Variants in SMC6 observed in about 807,000 individuals in gnomAD.
SMC6 encodes structural maintenance of chromosomes protein 6.
Under a neutral mutation model 142.2 loss-of-function variants are expected in SMC6, and 79 were observed. That is an observed-to-expected ratio of 0.56 (90% CI 0.46 to 0.67). The LOEUF is 0.67. Ranked by LOEUF, SMC6 falls within the 30% of genes least tolerant of loss-of-function variation. The probability of loss-of-function intolerance (pLI) is 0.00; values close to 1 mark genes in which losing one functional copy is unlikely to be tolerated. For missense variants in SMC6, 1,072 were observed against 1,284.0 expected (o/e 0.83, Z 2.52); for synonymous variants, 411 against 412.4 (o/e 1.00, Z 0.04).
chr2:17,753,233 T>C (rs192937855), intron 1 of SMC6, among the ~76,000 whole-genome samples, 169 bp from the exon 2 acceptor site: 4 of 111,080 alleles, frequency 3.6e-5, no homozygotes, highest in Admixed American at 1.7e-4. Context: ...CTGCGAGATA[T>C]CATCAGACTC....
chr2:17,735,058 A>C (rs1353787921), intron 5 of SMC6, among the ~76,000 whole-genome samples: 3 of 152,094 alleles, frequency 2.0e-5, no homozygotes, highest in Non-Finnish European at 4.4e-5. Flanking sequence ...AAATACAAGA[A>C]AGCAAAATAC....
At position 17,695,139 on chromosome 2, in the gene SMC6, A is replaced by C; in HGVS notation, c.2678+13T>G. The C allele has an allele frequency of 6.2e-7, 1 of 1,612,164 alleles. No individual in the cohort carries two copies. The highest frequency in any genetic ancestry group is 1.1e-5 in the South Asian group (1 of 90,438). On this transcript the variant is annotated intron_variant, in intron 23 of 27. Transcript: ENST00000448223. ...AATAATGTGGTAAAGCAGAAAAGCTACCAGCTACTTACCTCATTATTTCCT... is the reference window on the plus strand; with the variant it reads ...AATAATGTGGTAAAGCAGAAAAGCTCCCAGCTACTTACCTCATTATTTCCT...
chr2:17,720,135 C>T (rs934747049), intron 11 of SMC6, among the ~76,000 whole-genome samples: 2 of 152,114 alleles, frequency 1.3e-5, no homozygotes, highest in Non-Finnish European at 2.9e-5. Context: ...TATACTAAAA[C>T]CCAGTGAATT....
At chr2:17,730,974 G>T in intron 7 of SMC6, 104 bp downstream of exon 7, 1 of 821,942 alleles carries the variant, frequency 1.2e-6, no homozygotes, top group Non-Finnish European at 2.1e-6. Context: ...CCTGTGGTCA[G>T]TTTACTCATA....
rs1172634059 is a variant in SMC6, at chr2:17,715,059, C to T, written c.1532G>A (p.Cys511Tyr). ...TYKPVGPLGA[C>Y]IHLRDPELAL... ...AAGTTCTGGGTCCCGAAGATGAATG[C>T]AAGCTCCTAAAAGTGAGAGAAAATT... Residue 511 changes from cysteine (C) to tyrosine (Y), a missense_variant, in exon 16 of 28, where the codon TGC becomes TAC. Transcript: ENST00000448223. 6.2e-7 allele frequency: 1 copy of T among 1,612,942 alleles called. No individual in the cohort carries two copies. The highest frequency in any genetic ancestry group is 2.2e-5 in the East Asian group (1 of 44,846).
intron 21 of SMC6, 41 bp downstream of exon 21, chr2:17,700,167 A>G (rs1668199856): frequency 7.0e-7 from 1 of 1,421,232 alleles, no homozygotes; most frequent in African/African-American, 1.4e-5. Context: ...ATAAAACTAA[A>G]ACATAAAATA....
chr2:17,707,623 T>C (rs1668614694), intron 17 of SMC6, among the ~76,000 whole-genome samples: 1 of 152,134 alleles, frequency 6.6e-6, no homozygotes, highest in African/African-American at 2.4e-5. Context: ...AATTGGTGTA[T>C]ATTTATTTTT....
chr2:17,665,345 G>A lies in SMC6; in HGVS notation c.*154C>T. 1 of 399,028 alleles carries A rather than the reference G, an allele frequency of 2.5e-6. No homozygotes were observed. The highest frequency in any genetic ancestry group is 3.7e-5 in the East Asian group (1 of 27,046). The allele number at this position is 399,028 out of a possible 1,614,324, so 24.7% of individuals were successfully genotyped here. On this transcript the variant is annotated 3_prime_UTR_variant, in exon 28 of 28. Coordinates refer to ENST00000448223, the MANE Select transcript of SMC6 (RefSeq NM_001142286.2). ...ATTGCAGGTTGTAGTTGGTTTTCCAGGCTTATTTATATGTTTGATTGTGGT... is the reference window on the plus strand; with the variant it reads ...ATTGCAGGTTGTAGTTGGTTTTCCAAGCTTATTTATATGTTTGATTGTGGT...
intron 3 of SMC6, among the ~76,000 whole-genome samples, chr2:17,745,110 C>T (rs560261412): frequency 2.6e-4 from 39 of 152,222 alleles, no homozygotes; most frequent in Non-Finnish European, 5.3e-4. Flanking sequence ...CTGAATTCTC[C>T]TTGCAAATAT....
At chr2:17,738,994 G>T (rs1168908364) in intron 4 of SMC6, among the ~76,000 whole-genome samples, 1 of 145,834 alleles carries the variant, frequency 6.9e-6, no homozygotes, top group Non-Finnish European at 1.5e-5. Flanking sequence ...CATGTGGACA[G>T]GAATATTGTC....
chr2:17,683,943 C>T (rs950325721), intron 23 of SMC6, among the ~76,000 whole-genome samples, 180 bp from the exon 24 acceptor site: 2 of 152,002 alleles, frequency 1.3e-5, no homozygotes, highest in East Asian at 1.9e-4. Context: ...AAGGGTGGTA[C>T]GGAATAAGAA....
chr2:17,735,735 G>A (rs76533405), intron 5 of SMC6, among the ~76,000 whole-genome samples: 2 of 152,288 alleles, frequency 1.3e-5, no homozygotes, highest in African/African-American at 4.8e-5. Context: ...TTCAGTCCCT[G>A]TGTCACTGCA....
intron 19 of SMC6, 124 bp downstream of exon 19, chr2:17,703,033 T>C (rs1018303945): frequency 3.5e-6 from 2 of 573,866 alleles, no homozygotes; most frequent in Non-Finnish European, 5.9e-6. Flanking sequence ...CTTTGATGAG[T>C]GTAAAGGGGC....
At chr2:17,710,944 A>C (rs983633444) in intron 16 of SMC6, among the ~76,000 whole-genome samples, 4 of 152,174 alleles carry the variant, frequency 2.6e-5, no homozygotes, top group African/African-American at 9.7e-5. Context: ...GAAAAAAAAC[A>C]AGGATAAGAA....
rs183752629 is a variant in SMC6 at position 17,667,964 on chromosome 2, A to G, written c.3064-1447T>C. The stretch of plus-strand genomic sequence containing the variant: ...ATACACATCCTGGCTATATTGCTCA[A>G]TGGCTCTGATTATAACAATTCCATC... On this transcript the variant is annotated intron_variant, in intron 26 of 27. Coordinates refer to ENST00000448223, the MANE Select transcript of SMC6 (RefSeq NM_001142286.2). Among the ~76,000 whole-genome samples the G allele has an allele frequency of 3.7e-4, 56 of 152,320 alleles. 1 individual carries two copies. The highest frequency in any genetic ancestry group is 1.5e-3 in the Admixed American group (23 of 15,290).
At position 17,739,879 on chromosome 2, in the gene SMC6, A is replaced by AACACACACACACACAC. The variant is rs60784309; in HGVS notation, c.239-1569_239-1554dup. Reference sequence around the variant, plus strand: ...ACACACACACACAGAGAATATGGTAAACACACACACACACACACACACACA... The same window carrying AACACACACACACACAC: ...ACACACACACACAGAGAATATGGTAAACACACACACACACACACACACACACACACACACACACACA... On this transcript the variant is annotated intron_variant, in intron 4 of 27. Coordinates refer to ENST00000448223, the MANE Select transcript of SMC6 (RefSeq NM_001142286.2). 2.3e-3 allele frequency among the ~76,000 whole-genome samples: 266 copies of AACACACACACACACAC among 115,526 alleles called. 3 individuals carry two copies. The highest frequency in any genetic ancestry group is 0.019 in the East Asian group (56 of 2,886). The allele number at this position is 115,526 out of a possible 152,430, so 75.8% of individuals were successfully genotyped here. A position where few individuals can be genotyped will look rare whatever the true frequency, so the allele number is the denominator to read the frequency against.
At chr2:17,753,422 G>C (rs754573144) in intron 1 of SMC6, among the ~76,000 whole-genome samples, 1 of 152,236 alleles carries the variant, frequency 6.6e-6, no homozygotes, top group Non-Finnish European at 1.5e-5. Flanking sequence ...CCGCCTCGGA[G>C]AGCGCGCGAA....
At chr2:17,672,852 G>A (rs1256837695) in intron 25 of SMC6, among the ~76,000 whole-genome samples, 12 of 152,104 alleles carry the variant, frequency 7.9e-5, no homozygotes. Context: ...GGTAGACACT[G>A]GGTTTCTCAG....
chr2:17,725,229 A>G (rs1379674079), intron 9 of SMC6, 28 bp downstream of exon 9: 2 of 1,544,962 alleles, frequency 1.3e-6, no homozygotes, highest in Admixed American at 3.8e-5. Flanking sequence ...GCTGATCTCA[A>G]AAAGATTTAC....
Sources: gnomAD v4.1 joint callset for allele counts (sites outside exome capture counted in the v4.1 genomes callset) on GRCh38, gnomAD v4.1.1 for gene constraint, MANE v1.5 for transcripts, NCBI Gene and HGNC (gene_info 2026-07-23, HGNC 2026-07-21) for gene names.